KRT73: variants seen among roughly 807,000 people sequenced by gnomAD.
KRT73 encodes keratin 73.
In KRT73, 44 loss-of-function variants were observed where a neutral mutation model predicts 47.2. That is an observed-to-expected ratio of 0.93 (90% CI 0.73 to 1.20). The LOEUF (loss-of-function observed/expected upper bound fraction) is 1.20. KRT73 is among the 50% of genes most tolerant of loss of function. The pLI is 0.00. For synonymous variants in KRT73, 285 were observed against 291.3 expected (o/e 0.98, Z 0.22); for missense variants, 713 against 704.5 (o/e 1.01, Z -0.14).
At chr12:52,630,675 T>C in the KRT73 span, among the ~76,000 whole-genome samples, 2 of 152,126 alleles carry the variant, frequency 1.3e-5, 1 homozygote. Flanking sequence ...CACTGCTGAG[T>C]TGGGGTCCCA....
Position 52,610,845 on chromosome 12 carries a change from G to C in KRT73, c.1111-10C>G. The C allele has an allele frequency of 6.2e-7, 1 of 1,606,168 alleles. No individual in the cohort carries two copies. On this transcript the variant is annotated splice_polypyrimidine_tract_variant and intron_variant, in intron 6 of 8. Transcript: ENST00000305748. ...TCTCCAGGTTGGCACACTGGGGTCAGGAGGTAGCATTTCTCCCTGAGTTCC... is the reference window on the plus strand; with the variant it reads ...TCTCCAGGTTGGCACACTGGGGTCACGAGGTAGCATTTCTCCCTGAGTTCC...
In KRT73 at chr12:52,618,140, G is replaced by T; in HGVS notation, c.385C>A (p.Arg129Ser). 6.2e-7 allele frequency: 1 copy of T among 1,613,858 alleles called. No homozygotes were observed. The highest frequency in any genetic ancestry group is 8.5e-7 in the Non-Finnish European group (1 of 1,179,880). The stretch of plus-strand genomic sequence containing the variant: ...TTGATCTGCTCCCGCTCCTGGGCAC[G>T]CACTTTCTGGATTTCAGGGTCCAGC... ...VELDPEIQKV[R>S]AQEREQIKVL... The change falls in exon 1 of 9, where the codon CGT becomes AGT. Residue 129 changes from arginine (R) to serine (S), a missense_variant. Physicochemically the swap from Arg to Ser is moderately radical, Grantham distance 110. Transcript: ENST00000305748.
chr12:52,626,074 G>GT, the KRT73 span, among the ~76,000 whole-genome samples: 1 of 152,192 alleles, frequency 6.6e-6, no homozygotes, highest in African/African-American at 2.4e-5. Context: ...GTAAAGTTCT[G>GT]TATCTTAATT....
At chr12:52,621,549 G>T (rs1166461120), upstream of KRT73, among the ~76,000 whole-genome samples, 1 of 152,122 alleles carries the variant, frequency 6.6e-6, no homozygotes, top group Non-Finnish European at 1.5e-5. Flanking sequence ...TTTTCTATTT[G>T]TCTCCTATAT....
chr12:52,618,260 C>T lies in KRT73; in HGVS notation c.265G>A (p.Val89Met). 1 of 1,614,228 alleles carries T rather than the reference C, an allele frequency of 6.2e-7. No homozygotes were observed. The highest frequency in any genetic ancestry group is 8.5e-7 in the Non-Finnish European group (1 of 1,180,040). The change falls in exon 1 of 9, where the codon GTG (valine) becomes ATG (methionine). Residue 89 changes from valine to methionine, a missense_variant. Physicochemically the swap from Val to Met is conservative, Grantham distance 21 (BLOSUM62 1). Coordinates refer to ENST00000305748, the MANE Select transcript of KRT73 (RefSeq NM_175068.3). ...GACGGACACACGGACCCCAAGGCCA[C>T]ACTGCCAAACATGCTGCCAGCAAAG... Reference protein sequence around the residue: ...SGFAGSMFGSVALGSVCPSLC... With the variant: ...SGFAGSMFGSMALGSVCPSLC...
At chr12:52,625,591 C>A in the KRT73 span, among the ~76,000 whole-genome samples, 1 of 152,110 alleles carries the variant, frequency 6.6e-6, no homozygotes, top group African/African-American at 2.4e-5. Flanking sequence ...TTTAAAGAAC[C>A]AAACAAGCAA....
rs1940614439 is a variant in KRT73 at position 52,607,828 on chromosome 12, C to T, written c.*368G>A. The T allele has an allele frequency of 5.4e-6, 1 of 186,076 alleles. No individual in the cohort carries two copies. The highest frequency in any genetic ancestry group is 1.7e-4 in the South Asian group (1 of 5,828). The allele number at this position is 186,076 out of a possible 1,614,324, so 11.5% of individuals were successfully genotyped here. ...TGAAAACTTGTGTACCCAGGGAGCA[C>T]ATGGCCAAATAGTTACTGAGACAGG... On this transcript the variant is annotated 3_prime_UTR_variant, in exon 9 of 9. Coordinates refer to ENST00000305748, the MANE Select transcript of KRT73 (RefSeq NM_175068.3).
In KRT73 at chr12:52,613,833, G is replaced by T; in HGVS notation, c.839C>A (p.Ser280Tyr). Residue 280 changes from serine (S) to tyrosine (Y), a missense_variant, in exon 5 of 9, where the codon TCC becomes TAC. Physicochemically the swap from Ser to Tyr is moderately radical, Grantham distance 144. Transcript: ENST00000305748. ...GATGATGGACGTGTCGCTGATGTGG[G>T]ACTGGATCTGAGCAGTCTCCTGCAG... ...LYEGETAQIQ[S>Y]HISDTSIILS... is the part of the protein sequence containing the mutation. 2 of 1,614,096 alleles carry T rather than the reference G, an allele frequency of 1.2e-6. No individual in the cohort carries two copies. Among genetic ancestry groups the T allele is most frequent in the Admixed American group, 1.7e-5 (1 of 60,030 alleles).
At position 52,613,790 on chromosome 12, in the gene KRT73, G is replaced by T; in HGVS notation, c.882C>A (p.Asn294Lys). The T allele has an allele frequency of 1.9e-6, 3 of 1,614,252 alleles. No homozygotes were observed. Among genetic ancestry groups the T allele is most frequent in the Non-Finnish European group, 2.5e-6 (3 of 1,180,046 alleles). The change falls in exon 5 of 9, where the codon AAC becomes AAA. Residue 294 changes from asparagine (N) to lysine (K), a missense_variant. By Grantham distance (94) the Asn-to-Lys change is moderately conservative. Transcript: ENST00000305748. The part of the protein sequence containing the change: ...DTSIILSMDN[N>K]RNLDLDSIIA... ...TGATGCTGTCCAGGTCCAGGTTCCGGTTGTTGTCCATGGACAGGATGATGG... is the reference window on the plus strand; with the variant it reads ...TGATGCTGTCCAGGTCCAGGTTCCGTTTGTTGTCCATGGACAGGATGATGG...
In KRT73 at chr12:52,609,259, A is replaced by G. The variant is rs1293579204; in HGVS notation, c.1354T>C (p.Ser452Pro). The G allele has an allele frequency of 5.6e-6, 9 of 1,613,600 alleles. No individual in the cohort carries two copies. Among genetic ancestry groups the G allele is most frequent in the Admixed American group, 1.7e-5 (1 of 60,022 alleles). The change falls in exon 8 of 9, where the codon TCC (serine) becomes CCC (proline). Residue 452 changes from serine to proline, a missense_variant. Ser to Pro is a moderately conservative substitution (Grantham distance 74). Coordinates refer to ENST00000305748, the MANE Select transcript of KRT73 (RefSeq NM_175068.3). ...ECRMSGEYTN[S>P]VSISVINSSM... ...ATGAAATACTCACAAATGCTCACGG[A>G]GTTGGTATATTCTCCGGACATCCTG...
chr12:52,617,157 C>G (rs910589221), intron 1 of KRT73, among the ~76,000 whole-genome samples: 1 of 152,168 alleles, frequency 6.6e-6, no homozygotes, highest in Non-Finnish European at 1.5e-5. Context: ...CGTGCTGTCT[C>G]CCTAGATTGC....
In KRT73 at chr12:52,607,921, T is replaced by A. The variant is rs1381951173; in HGVS notation, c.*275A>T. On this transcript the variant is annotated 3_prime_UTR_variant, in exon 9 of 9. Coordinates refer to ENST00000305748, the MANE Select transcript of KRT73 (RefSeq NM_175068.3). ...GACAGCCTTCCTCTGCACAGGGACA[T>A]GCAGGCAGAGAAAAGGCCAAGTCTT... The A allele has an allele frequency of 2.4e-6, 1 of 413,728 alleles. No homozygotes were observed. Among genetic ancestry groups the A allele is most frequent in the East Asian group, 4.5e-5 (1 of 22,018 alleles). 25.6% of individuals were successfully genotyped at this position (413,728 alleles called of 1,614,324 possible). A position where few individuals can be genotyped will look rare whatever the true frequency, so the allele number is the denominator to read the frequency against.
Position 52,608,406 on chromosome 12 carries a change from G to A in KRT73, c.1413C>T (p.Gly471=), listed in dbSNP as rs370258950. 396 of 1,612,348 alleles carry A rather than the reference G, an allele frequency of 2.5e-4. 6 individuals are homozygous for A. In the South Asian group the frequency reaches 4.0e-3, roughly 16 times the overall value. Residue 471 remains glycine (G), a synonymous_variant, in exon 9 of 9, where the codon GGC becomes GGT. Coordinates refer to ENST00000305748, the MANE Select transcript of KRT73 (RefSeq NM_175068.3). ...AGGTGCCAGCATTGCTGAATCCAAA[G>A]CCAGCCCCTGTGCCTGCCATCCCGG... is the stretch of plus-strand genomic sequence containing the variant. ...SMAGMAGTGA[G]FGFSNAGTYG...
At chr12:52,614,075 T>C in intron 4 of KRT73, 2 of 537,492 alleles carry the variant, frequency 3.7e-6, no homozygotes. Context: ...AGCCCATATG[T>C]CTGTCCCCTG....
At chr12:52,625,604 C>G in the KRT73 span, among the ~76,000 whole-genome samples, 2 of 152,164 alleles carry the variant, frequency 1.3e-5, no homozygotes, top group South Asian at 4.1e-4. Flanking sequence ...ACAAGCAACT[C>G]TCATACATCC....
At chr12:52,614,370 G>T in intron 4 of KRT73, 2 of 504,460 alleles carry the variant, frequency 4.0e-6, no homozygotes, top group South Asian at 6.3e-5. Context: ...TTTTCCTGGA[G>T]GAAGTGAAAG....
chr12:52,616,592 G>C (rs1204339849), intron 1 of KRT73, among the ~76,000 whole-genome samples: 1 of 152,110 alleles, frequency 6.6e-6, no homozygotes, highest in African/African-American at 2.4e-5. Flanking sequence ...CTTAAGGTTG[G>C]GAGGGGCACC....
At chr12:52,626,583 T>C in the KRT73 span, among the ~76,000 whole-genome samples, 2 of 152,160 alleles carry the variant, frequency 1.3e-5, no homozygotes, top group African/African-American at 4.8e-5. Context: ...ATAGTTATTT[T>C]CAAGGGAGGC....
chr12:52,613,993 C>A (rs1428261926), intron 4 of KRT73, 141 bp from the exon 5 acceptor site: 1 of 1,316,826 alleles, frequency 7.6e-7, no homozygotes, highest in South Asian at 1.5e-5. Flanking sequence ...AAGAACAGAG[C>A]TCACAGCCCA....
Sources: gnomAD v4.1 joint callset for allele counts (sites outside exome capture counted in the v4.1 genomes callset) on GRCh38, gnomAD v4.1.1 for gene constraint, MANE v1.5 for transcripts, NCBI Gene and HGNC (gene_info 2026-07-23, HGNC 2026-07-21) for gene names.